Variants in MAGI3 observed in about 807,000 individuals in gnomAD.
MAGI3 encodes the protein membrane-associated guanylate kinase, WW and PDZ domain-containing protein 3.
MAGI3 carries 43 observed loss-of-function variants against 121.8 expected under a neutral mutation model. The observed-to-expected ratio is 0.35, with a 90% confidence interval of 0.28 to 0.46. MAGI3 has a LOEUF of 0.46. Ranked by LOEUF, MAGI3 falls within the 20% of genes least tolerant of loss-of-function variation. MAGI3 has a pLI of 1.00. For synonymous variants in MAGI3, 553 were observed against 639.3 expected (o/e 0.86, Z 2.04); for missense variants, 1,547 against 1,797.3 (o/e 0.86, Z 2.52).
intron 1 of MAGI3, among the ~76,000 whole-genome samples, chr1:113,483,754 T>C (rs1459823978): frequency 6.6e-6 from 1 of 152,190 alleles, no homozygotes; most frequent in African/African-American, 2.4e-5. Context: ...ATTTGTTTAT[T>C]TTTCTCCAAC....
chr1:113,484,678 A>T (rs1206530147), intron 1 of MAGI3, among the ~76,000 whole-genome samples: 12 of 4,302 alleles, frequency 2.8e-3, no homozygotes, highest in Admixed American at 8.1e-3. Context: ...CTCCCTTCCC[A>T]TCCCCTCCCC....
At chr1:113,663,777 T>C (rs534332483) in intron 16 of MAGI3, among the ~76,000 whole-genome samples, 1 of 152,320 alleles carries the variant, frequency 6.6e-6, no homozygotes, top group South Asian at 2.1e-4. Flanking sequence ...ACTTCAAAAC[T>C]GTTTTCCACA....
At chr1:113,541,222 C>T (rs1659276627) in intron 1 of MAGI3, among the ~76,000 whole-genome samples, 1 of 152,112 alleles carries the variant, frequency 6.6e-6, no homozygotes, top group African/African-American at 2.4e-5. Context: ...GAAATCTGAC[C>T]AATACATTTG....
At chr1:113,479,597 T>C (rs1367386715) in intron 1 of MAGI3, among the ~76,000 whole-genome samples, 1 of 152,228 alleles carries the variant, frequency 6.6e-6, no homozygotes, top group Non-Finnish European at 1.5e-5. Context: ...TATTAATCTA[T>C]TTCAGGTTCT....
chr1:113,572,736 G>A (rs996834821), intron 2 of MAGI3, among the ~76,000 whole-genome samples: 2 of 152,116 alleles, frequency 1.3e-5, no homozygotes, highest in Admixed American at 6.5e-5. Flanking sequence ...GATCAGTGGT[G>A]ATATCCCCTT....
At chr1:113,516,081 C>T (rs1657884313) in intron 1 of MAGI3, among the ~76,000 whole-genome samples, 1 of 151,980 alleles carries the variant, frequency 6.6e-6, no homozygotes, top group East Asian at 1.9e-4. Context: ...CATCATCCTT[C>T]TATCTCCAAC....
chr1:113,535,965 T>C (rs1250223791), intron 1 of MAGI3, among the ~76,000 whole-genome samples: 2 of 152,088 alleles, frequency 1.3e-5, no homozygotes, highest in African/African-American at 4.8e-5. Flanking sequence ...GAACTTAAAT[T>C]TACCTGGTTT....
intron 12 of MAGI3, among the ~76,000 whole-genome samples, chr1:113,648,446 C>T (rs1292248229): frequency 1.4e-5 from 2 of 142,904 alleles, no homozygotes; most frequent in African/African-American, 5.2e-5. Flanking sequence ...GAGTCTTGCT[C>T]TGTTGCCCAG....
intron 1 of MAGI3, among the ~76,000 whole-genome samples, chr1:113,470,184 C>G (rs1483434190): frequency 1.3e-5 from 2 of 149,542 alleles, no homozygotes; most frequent in Non-Finnish European, 3.0e-5. Flanking sequence ...TTTTTTTTCT[C>G]TCTTGCTTGC....
At chr1:113,647,399 G>C (rs1652911481) in intron 12 of MAGI3, among the ~76,000 whole-genome samples, 1 of 152,152 alleles carries the variant, frequency 6.6e-6, no homozygotes, top group Non-Finnish European at 1.5e-5. Flanking sequence ...TCTGGCAGGA[G>C]TATGAAGGAT....
chr1:113,414,169 A>G (rs1430201316), intron 1 of MAGI3, among the ~76,000 whole-genome samples: 2 of 151,976 alleles, frequency 1.3e-5, no homozygotes, highest in Non-Finnish European at 2.9e-5. Context: ...TGTTTGTTTG[A>G]TGGATTACGT....
chr1:113,433,303 A>G (rs1369744213), intron 1 of MAGI3, among the ~76,000 whole-genome samples: 1 of 152,172 alleles, frequency 6.6e-6, no homozygotes, highest in East Asian at 1.9e-4. Flanking sequence ...AACTATGATC[A>G]GATCTCCTGC....
intron 1 of MAGI3, among the ~76,000 whole-genome samples, chr1:113,538,368 A>T (rs1464728447): frequency 6.6e-6 from 1 of 152,196 alleles, no homozygotes; most frequent in East Asian, 1.9e-4. Context: ...TGCACAATAG[A>T]TGGTTTTGTA....
chr1:113,676,110 C>G (rs1647852576), intron 19 of MAGI3, among the ~76,000 whole-genome samples: 1 of 151,710 alleles, frequency 6.6e-6, no homozygotes, highest in African/African-American at 2.4e-5. Context: ...TACTTTACAT[C>G]TGTGTTTCAA....
At chr1:113,582,049 TATTATTA>T (rs1648073721) in intron 3 of MAGI3, among the ~76,000 whole-genome samples, 1 of 152,162 alleles carries the variant, frequency 6.6e-6, no homozygotes, top group Non-Finnish European at 1.5e-5. Context: ...GCATATTACT[TATTATTA>T]ATTGCTGTGT....
At chr1:113,417,489 C>A (rs1053450792) in intron 1 of MAGI3, among the ~76,000 whole-genome samples, 4 of 152,122 alleles carry the variant, frequency 2.6e-5, no homozygotes, top group African/African-American at 9.7e-5. Flanking sequence ...TCACAGCTCA[C>A]TGCAGTCTTG....
At chr1:113,640,379 G>T (rs1425857541) in intron 9 of MAGI3, among the ~76,000 whole-genome samples, 2 of 152,142 alleles carry the variant, frequency 1.3e-5, no homozygotes, top group Non-Finnish European at 1.5e-5. Context: ...CCCATTACTG[G>T]ATATATACCC....
intron 1 of MAGI3, among the ~76,000 whole-genome samples, chr1:113,407,175 G>A (rs2101319290): frequency 6.6e-6 from 1 of 152,264 alleles, no homozygotes; most frequent in East Asian, 1.9e-4. Context: ...TGGTATGTAT[G>A]TCAAAAAGTC....
At chr1:113,492,878 G>A (rs1292643753) in intron 1 of MAGI3, among the ~76,000 whole-genome samples, 1 of 152,054 alleles carries the variant, frequency 6.6e-6, no homozygotes, top group African/African-American at 2.4e-5. Context: ...CAAAATATTG[G>A]TTAAAGAAAT....
Sources: allele counts gnomAD v4.1 joint callset (sites outside exome capture counted in the v4.1 genomes callset), GRCh38; gene constraint gnomAD v4.1.1; transcripts MANE v1.5; gene names NCBI Gene and HGNC (gene_info 2026-07-23, HGNC 2026-07-21).